The following RGPD3 variants were observed in gnomAD, a reference collection of about 807,000 sequenced individuals.
RGPD3 encodes the protein ranBP2-like and GRIP domain-containing protein 3.
In RGPD3, 62 loss-of-function variants were observed where a neutral mutation model predicts 154.5. The ratio of observed to expected loss-of-function variants is 0.40; its 90% CI spans 0.33 to 0.50. The LOEUF (loss-of-function observed/expected upper bound fraction) is 0.50. RGPD3 is among the 20% of genes least tolerant of loss of function. RGPD3 has a pLI of 0.59. For missense variants in RGPD3, 919 were observed against 1,716.8 expected (o/e 0.54, Z 8.21); for synonymous variants, 308 against 607.0 (o/e 0.51, Z 7.24).
At position 106,418,050 on chromosome 2, in the gene RGPD3, G is replaced by A. The variant is rs575183755; in HGVS notation, c.4925-2061C>T. On this transcript the variant is annotated intron_variant, in intron 20 of 22. Coordinates refer to ENST00000409886, the MANE Select transcript of RGPD3 (RefSeq NM_001144013.2). ...AGGCTGAGGCAGAGAACTGCTGGAA[G>A]CCAGGAGGCGGAGGTTGTAGTGAGC... Among the ~76,000 whole-genome samples the A allele has an allele frequency of 7.7e-4, 111 of 143,860 alleles. 2 individuals carry two copies. Among genetic ancestry groups the A allele is most frequent in the Middle Eastern group, 3.5e-3 (1 of 286 alleles). 94.4% of individuals were successfully genotyped at this position (143,860 alleles called of 152,430 possible).
chr2:106,406,965 A>G (rs1211519462), intron 22 of RGPD3, among the ~76,000 whole-genome samples: 1 of 151,976 alleles, frequency 6.6e-6, no homozygotes, highest in Non-Finnish European at 1.5e-5. Flanking sequence ...ACAAATTACT[A>G]CAAACTTAGT....
intron 4 of RGPD3, among the ~76,000 whole-genome samples, chr2:106,454,997 C>T (rs1179292679): frequency 6.6e-6 from 1 of 151,624 alleles, no homozygotes; most frequent in Non-Finnish European, 1.5e-5. Context: ...AACCAAAATG[C>T]CCCTCAAAAG....
chr2:106,441,863 CAAAA>C (rs1166971652), intron 7 of RGPD3, among the ~76,000 whole-genome samples: 214 of 13,528 alleles, frequency 0.016, no homozygotes, highest in African/African-American at 0.064. Flanking sequence ...GACTCCATCG[CAAAA>C]AAAAAAAAAA....
Position 106,425,181 on chromosome 2 carries a change from T to A in RGPD3, c.2786A>T (p.Glu929Val). 1.2e-6 allele frequency: 2 copies of A among 1,611,790 alleles called. No homozygotes were observed. The highest frequency in any genetic ancestry group is 1.7e-6 in the Non-Finnish European group (2 of 1,179,784). ...SADGFKFGISEPGNQEKKSEK... is the reference protein window; with the variant it reads ...SADGFKFGISVPGNQEKKSEK... The stretch of plus-strand genomic sequence containing the variant: ...ACTTTTCTTTTCTTGATTTCCTGGT[T>A]CCGAAATGCCAAATTTAAATCCATC... Residue 929 changes from glutamate (E) to valine (V), a missense_variant, in exon 20 of 23, where the codon GAA becomes GTA. Physicochemically the swap from Glu to Val is moderately radical, Grantham distance 121. Transcript: ENST00000409886.
At chr2:106,464,182 A>T (rs1678488735) in intron 1 of RGPD3, among the ~76,000 whole-genome samples, 1 of 152,064 alleles carries the variant, frequency 6.6e-6, no homozygotes, top group South Asian at 2.1e-4. Flanking sequence ...CGTCTCTACT[A>T]AAAACACTAA....
intron 1 of RGPD3, among the ~76,000 whole-genome samples, chr2:106,465,624 T>C (rs1262863593): frequency 2.0e-5 from 3 of 151,308 alleles, no homozygotes; most frequent in Non-Finnish European, 4.4e-5. Flanking sequence ...CTCACACCTG[T>C]AATCTCAGCA....
intron 1 of RGPD3, among the ~76,000 whole-genome samples, chr2:106,462,035 C>A (rs1678421105): frequency 6.6e-6 from 1 of 151,944 alleles, no homozygotes; most frequent in Admixed American, 6.5e-5. Flanking sequence ...AGGCGCACAC[C>A]ACCATGCCCA....
intron 21 of RGPD3, among the ~76,000 whole-genome samples, chr2:106,415,051 T>C (rs1212064251): frequency 6.6e-6 from 1 of 151,910 alleles, no homozygotes; most frequent in Non-Finnish European, 1.5e-5. Context: ...TGAGGGGTGA[T>C]TTATCAGTGA....
chr2:106,467,012 GGCC>G (rs1249671539), intron 1 of RGPD3, among the ~76,000 whole-genome samples: 3 of 126,304 alleles, frequency 2.4e-5, no homozygotes, highest in Non-Finnish European at 5.2e-5. Context: ...GCCAGGTCGA[GGCC>G]GCCGCCGCCG....
intron 20 of RGPD3, among the ~76,000 whole-genome samples, chr2:106,417,457 T>TTTAG (rs1335689890): frequency 2.7e-5 from 4 of 148,210 alleles, no homozygotes; most frequent in Non-Finnish European, 4.4e-5. Context: ...GAAGAACATA[T>TTTAG]TTAGACAGAG....
chr2:106,445,828 GCC>G (rs1677905700), intron 7 of RGPD3, among the ~76,000 whole-genome samples: 1 of 86,692 alleles, frequency 1.2e-5, no homozygotes, highest in South Asian at 5.0e-4. Flanking sequence ...GTGGCTCACT[GCC>G]TGTAATCCCA....
intron 1 of RGPD3, among the ~76,000 whole-genome samples, chr2:106,464,655 C>G (rs1186896747): frequency 1.3e-5 from 2 of 151,722 alleles, no homozygotes; most frequent in African/African-American, 2.4e-5. Context: ...ACCGACTTGA[C>G]AGAACATAGA....
rs1384941629 is a variant in RGPD3 at position 106,405,001 on chromosome 2, C to G, written c.*218G>C. 1.5e-6 allele frequency: 1 copy of G among 668,710 alleles called. No individual in the cohort carries two copies. The highest frequency in any genetic ancestry group is 1.8e-5 in the African/African-American group (1 of 54,288). 41.4% of individuals were successfully genotyped at this position (668,710 alleles called of 1,614,324 possible). On this transcript the variant is annotated 3_prime_UTR_variant, in exon 23 of 23. Transcript: ENST00000409886. ...ACTTCAAGCTGTTGTACTTTTACTT[C>G]AAGTTGAAACTTTTAAAATACATCT...
chr2:106,423,989 T>C lies in RGPD3; in HGVS notation c.3978A>G (p.Gln1326=), dbSNP rs1405604424. 5 of 1,611,842 alleles carry C rather than the reference T, an allele frequency of 3.1e-6. No homozygotes were observed. The highest frequency in any genetic ancestry group is 1.7e-5 in the Admixed American group (1 of 59,998). The part of the protein sequence containing the change: ...VGTDEESDVT[Q]EEERDGQYFE... ...AGTACTGTCCATCTCTCTCTTCTTC[T>C]TGAGTAACATCAGATTCTTCATCAG... The change falls in exon 20 of 23, where the codon CAA becomes CAG. Residue 1326 remains glutamine, a synonymous_variant. Coordinates refer to ENST00000409886, the MANE Select transcript of RGPD3 (RefSeq NM_001144013.2).
intron 22 of RGPD3, among the ~76,000 whole-genome samples, chr2:106,407,514 G>T (rs1159604798): frequency 1.3e-5 from 2 of 151,146 alleles, no homozygotes; most frequent in African/African-American, 4.9e-5. Flanking sequence ...AGGTAACCTT[G>T]TTCCCAGGAA....
intron 9 of RGPD3, among the ~76,000 whole-genome samples, chr2:106,438,664 T>A (rs1250645830): frequency 6.6e-6 from 1 of 151,888 alleles, no homozygotes; most frequent in East Asian, 1.9e-4. Flanking sequence ...GCATTTGTAA[T>A]CCCGCTACTT....
At chr2:106,427,150 C>T (rs1184792613) in intron 18 of RGPD3, among the ~76,000 whole-genome samples, 1 of 150,442 alleles carries the variant, frequency 6.6e-6, no homozygotes, top group Non-Finnish European at 1.5e-5. Flanking sequence ...AATAAATCTA[C>T]TAAAAGTAAT....
intron 7 of RGPD3, among the ~76,000 whole-genome samples, chr2:106,446,806 CAGGA>C (rs1368388868): frequency 6.6e-6 from 1 of 151,808 alleles, no homozygotes; most frequent in East Asian, 1.9e-4. Context: ...CACTTGAACC[CAGGA>C]GGTGGAGGCT....
chr2:106,421,083 G>C (rs1558837244), intron 20 of RGPD3, among the ~76,000 whole-genome samples: 1 of 152,120 alleles, frequency 6.6e-6, no homozygotes, highest in Non-Finnish European at 1.5e-5. Context: ...TTCCTAGCTA[G>C]GAGAAATAAC....
Sources: gnomAD v4.1 joint callset for allele counts (sites outside exome capture counted in the v4.1 genomes callset) on GRCh38, gnomAD v4.1.1 for gene constraint, MANE v1.5 for transcripts, NCBI Gene and HGNC (gene_info 2026-07-23, HGNC 2026-07-21) for gene names.